ARID3A: variants seen among roughly 807,000 people sequenced by gnomAD.
ARID3A encodes AT-rich interactive domain-containing protein 3A.
A neutral mutation model predicts 52.7 loss-of-function variants in ARID3A; 11 were observed. The ratio of observed to expected loss-of-function variants is 0.21; its 90% CI spans 0.13 to 0.35. The LOEUF (loss-of-function observed/expected upper bound fraction) is 0.35. Among genes scored for constraint, ARID3A ranks in the 10% least tolerant of loss-of-function variants. The pLI, the probability that ARID3A is intolerant of heterozygous loss-of-function variation, is 1.00. For synonymous variants in ARID3A, 404 were observed against 359.4 expected (o/e 1.12, Z -1.40); for missense variants, 721 against 838.5 (o/e 0.86, Z 1.73).
rs909948973 is a variant in ARID3A, at chr19:959,963, C to G, written c.694-129C>G. On this transcript the variant is annotated intron_variant, in intron 3 of 8. Coordinates refer to ENST00000263620, the MANE Select transcript of ARID3A (RefSeq NM_005224.3). This position sits in a 1 kb window ranked among gnomAD's most constrained non-coding sequence, Gnocchi z 5.0. ...CCAGCGGGGTCTTCGGCTCTGGCAGCGGCTTGAGGGTCCTAGGGGTGGTGA... is the reference window on the plus strand; with the variant it reads ...CCAGCGGGGTCTTCGGCTCTGGCAGGGGCTTGAGGGTCCTAGGGGTGGTGA... The G allele has an allele frequency of 1.6e-6, 1 of 641,350 alleles. No individual in the cohort carries two copies. The allele number at this position is 641,350 out of a possible 1,614,324, so 39.7% of individuals were successfully genotyped here.
intron 6 of ARID3A, among the ~76,000 whole-genome samples, chr19:965,702 T>A (rs1371921722): frequency 2.0e-5 from 3 of 151,780 alleles, no homozygotes; most frequent in Admixed American, 6.6e-5. Flanking sequence ...CTAAAAAAAA[T>A]TTTTTTAGGC....
chr19:964,774 G>T lies in ARID3A; in HGVS notation c.951-59G>T. ...CAGTGGGGTTTACTTTGTACTGAAGGCCAAAGAGAGCCGTAGGGGTGACCC... is the reference window on the plus strand; with the variant it reads ...CAGTGGGGTTTACTTTGTACTGAAGTCCAAAGAGAGCCGTAGGGGTGACCC... On this transcript the variant is annotated intron_variant, in intron 5 of 8. Coordinates refer to ENST00000263620, the MANE Select transcript of ARID3A (RefSeq NM_005224.3). This position sits in a 1 kb window ranked among gnomAD's most constrained non-coding sequence, Gnocchi z 5.7. The T allele has an allele frequency of 6.4e-7, 1 of 1,570,906 alleles. No homozygotes were observed. The highest frequency in any genetic ancestry group is 8.7e-7 in the Non-Finnish European group (1 of 1,155,168).
At chr19:962,149 G>C (rs998842598) in intron 4 of ARID3A, among the ~76,000 whole-genome samples, 1 of 152,164 alleles carries the variant, frequency 6.6e-6, no homozygotes, top group African/African-American at 2.4e-5. Flanking sequence ...GGGGCCCTTG[G>C]AGCTGAGAAT....
At position 944,535 on chromosome 19, in the gene ARID3A, C is replaced by T. The variant is rs963061306; in HGVS notation, c.693+11793C>T. The stretch of plus-strand genomic sequence containing the variant: ...CTCACTGCTACAAATGTGGGTCTTC[C>T]GGGCAAGTGAGCGTCCCCCACCCAG... On this transcript the variant is annotated intron_variant, in intron 3 of 8. Coordinates refer to ENST00000263620, the MANE Select transcript of ARID3A (RefSeq NM_005224.3). The surrounding 1 kb of genome is among the most constrained non-coding windows in gnomAD (Gnocchi z 5.9). 1.3e-5 allele frequency among the ~76,000 whole-genome samples: 2 copies of T among 152,114 alleles called. No individual in the cohort carries two copies. Among genetic ancestry groups the T allele is most frequent in the Admixed American group, 6.5e-5 (1 of 15,276 alleles).
rs112023939 is a variant in ARID3A, at chr19:974,432, G to A, written c.*2367G>A. On this transcript the variant is annotated 3_prime_UTR_variant, in exon 9 of 9. Coordinates refer to ENST00000263620, the MANE Select transcript of ARID3A (RefSeq NM_005224.3). ...TCGCAGAACCACCTGGACTCTGTCC[G>A]TGTCTGTCCCCCGGCCTCCAGGGCT... The A allele has an allele frequency of 7.4e-5, 17 of 231,106 alleles. No individual in the cohort carries two copies. In the South Asian group the frequency reaches 1.3e-3, roughly 17 times the overall value. 14.3% of individuals were successfully genotyped at this position (231,106 alleles called of 1,614,324 possible).
chr19:932,769 C>G, intron 3 of ARID3A, 27 bp downstream of exon 3: 1 of 1,545,854 alleles, frequency 6.5e-7, no homozygotes, highest in Non-Finnish European at 8.7e-7. Context: ...CGCGTGGCGG[C>G]TGAGGCACCT....
chr19:941,899 G>A lies in ARID3A; in HGVS notation c.693+9157G>A, dbSNP rs1054234267. ...GCCTGCTTGGGCTCGCCACGTGTGC[G>A]CACGTGTGCCCGTGACAGACGACCT... On this transcript the variant is annotated intron_variant, in intron 3 of 8. Coordinates refer to ENST00000263620, the MANE Select transcript of ARID3A (RefSeq NM_005224.3). The surrounding 1 kb of genome is among the most constrained non-coding windows in gnomAD (Gnocchi z 6.9). Among the ~76,000 whole-genome samples the A allele has an allele frequency of 4.6e-5, 7 of 152,186 alleles. No homozygotes were observed. Among genetic ancestry groups the A allele is most frequent in the Middle Eastern group, 6.8e-3 (2 of 294 alleles).
At chr19:950,095 G>A (rs1463381002) in intron 3 of ARID3A, among the ~76,000 whole-genome samples, 2 of 117,274 alleles carry the variant, frequency 1.7e-5, no homozygotes, top group East Asian at 5.3e-4. Context: ...CAGAGTGAAC[G>A]GATGGATGAG....
intron 3 of ARID3A, among the ~76,000 whole-genome samples, chr19:953,055 T>C (rs1199944460): frequency 6.6e-6 from 1 of 152,118 alleles, no homozygotes; most frequent in African/African-American, 2.4e-5. Context: ...CTCTGGGGTC[T>C]TTTTCTGACC....
chr19:958,157 G>T (rs973303260), intron 3 of ARID3A: 3 of 150,542 alleles, frequency 2.0e-5, no homozygotes, highest in African/African-American at 4.9e-5. Context: ...AAATAGGCTG[G>T]GCGCAGTGGC....
chr19:926,982 A>G lies in ARID3A; in HGVS notation c.-268+923A>G, dbSNP rs1367815336. On this transcript the variant is annotated intron_variant, in intron 1 of 8. Coordinates refer to ENST00000263620, the MANE Select transcript of ARID3A (RefSeq NM_005224.3). ...CTTCTCCTTCTTGAGTTTTTTTCTC[A>G]CTTCCTCCAGGCCCCCCCAACCCAG... Among the ~76,000 whole-genome samples the G allele has an allele frequency of 4.7e-5, 7 of 147,540 alleles. No individual in the cohort carries two copies. In the South Asian group the frequency reaches 1.3e-3, roughly 27 times the overall value.
Position 932,661 on chromosome 19 carries a change from C to G in ARID3A, c.612C>G (p.His204Gln). The change falls in exon 3 of 9, where the codon CAC becomes CAG. Residue 204 changes from histidine to glutamine, a missense_variant. Transcript: ENST00000263620. ...GQERPGPGPAHPGGAAHVAPQ... is the reference protein window; with the variant it reads ...GQERPGPGPAQPGGAAHVAPQ... ...AGCGGCCGGGGCCTGGCCCTGCCCA[C>G]CCCGGAGGGGCCGCCCACGTAGCCC... 1 of 1,545,032 alleles carries G rather than the reference C, an allele frequency of 6.5e-7. No homozygotes were observed. Among genetic ancestry groups the G allele is most frequent in the Non-Finnish European group, 8.7e-7 (1 of 1,145,832 alleles).
chr19:935,393 T>C (rs1373719472), intron 3 of ARID3A, among the ~76,000 whole-genome samples: 1 of 152,192 alleles, frequency 6.6e-6, no homozygotes, highest in Admixed American at 6.5e-5. Flanking sequence ...CTCAGCCTCC[T>C]GATGTCTGAC....
At chr19:946,795 T>G (rs2037693529) in intron 3 of ARID3A, among the ~76,000 whole-genome samples, 1 of 150,500 alleles carries the variant, frequency 6.6e-6, no homozygotes, top group Non-Finnish European at 1.5e-5. Context: ...TGTTTGTTTG[T>G]TTGTGTGTGT....
chr19:965,144 T>TGG (rs1266079731), intron 6 of ARID3A, 64 bp downstream of exon 6: 3 of 1,505,906 alleles, frequency 2.0e-6, no homozygotes. Flanking sequence ...TGTCTGACCT[T>TGG]GGGGGATACC....
Position 934,180 on chromosome 19 carries a change from G to A in ARID3A, c.693+1438G>A, listed in dbSNP as rs866480893. 2.0e-5 allele frequency among the ~76,000 whole-genome samples: 3 copies of A among 152,306 alleles called. 1 individual carries two copies. The highest frequency in any genetic ancestry group is 4.1e-4 in the South Asian group (2 of 4,830). ...GAGCCGGACGGAGACCTCCATCCCC[G>A]CAGGGTTATAGCCAAGCCGAGAGGG... is the stretch of plus-strand genomic sequence containing the variant. On this transcript the variant is annotated intron_variant, in intron 3 of 8. Transcript: ENST00000263620.
chr19:936,822 C>T (rs1044949563), intron 3 of ARID3A, among the ~76,000 whole-genome samples: 1 of 152,074 alleles, frequency 6.6e-6, no homozygotes. Context: ...GCCTGTGTGG[C>T]AGAGAGAGAT....
rs2038291087 is a variant in ARID3A at position 972,172 on chromosome 19, G to A, written c.*107G>A. 7 of 1,043,284 alleles carry A rather than the reference G, an allele frequency of 6.7e-6. No individual in the cohort carries two copies. Among genetic ancestry groups the A allele is most frequent in the Admixed American group, 4.0e-5 (1 of 24,962 alleles). The allele number at this position is 1,043,284 out of a possible 1,614,324, so 64.6% of individuals were successfully genotyped here. A position where few individuals can be genotyped will look rare whatever the true frequency, so the allele number is the denominator to read the frequency against. On this transcript the variant is annotated 3_prime_UTR_variant, in exon 9 of 9. Coordinates refer to ENST00000263620, the MANE Select transcript of ARID3A (RefSeq NM_005224.3). ...ATGGCGGAAGATACGGGTGGGGAGGGAAGATATCCAGAAAGGAGCCACAGC... is the reference window on the plus strand; with the variant it reads ...ATGGCGGAAGATACGGGTGGGGAGGAAAGATATCCAGAAAGGAGCCACAGC...
At position 944,325 on chromosome 19, in the gene ARID3A, GGTGTGT is replaced by G. The variant is rs74873695; in HGVS notation, c.693+11602_693+11607del. On this transcript the variant is annotated intron_variant, in intron 3 of 8. Coordinates refer to ENST00000263620, the MANE Select transcript of ARID3A (RefSeq NM_005224.3). This position sits in a 1 kb window ranked among gnomAD's most constrained non-coding sequence, Gnocchi z 5.9. ...TCTGGCTGCAGGGGCGCGTCCAGGG[GGTGTGT>G]GTGTGTGTGTGTGTGTGTCTGCGTG... Among the ~76,000 whole-genome samples the G allele has an allele frequency of 2.0e-5, 3 of 149,836 alleles. No individual in the cohort carries two copies. The highest frequency in any genetic ancestry group is 3.0e-5 in the Non-Finnish European group (2 of 67,200).
Sources: gnomAD v4.1 joint callset for allele counts (sites outside exome capture counted in the v4.1 genomes callset) on GRCh38, gnomAD v4.1.1 for gene constraint, Gnocchi (gnomAD v3.1) non-coding constraint, MANE v1.5 for transcripts, NCBI Gene and HGNC (gene_info 2026-07-23, HGNC 2026-07-21) for gene names.